The following AMZ1 variants were observed in gnomAD, a reference collection of about 807,000 sequenced individuals.
AMZ1 encodes the protein archaelysin family metallopeptidase 1, also known as archaemetzincin-1.
In AMZ1, 39 loss-of-function variants were observed where a neutral mutation model predicts 29.9. The observed-to-expected ratio is 1.30, with a 90% CI of 1.01 to 1.70. The LOEUF is 1.70. AMZ1 is among the 40% of genes most tolerant of loss of function. The pLI is 0.00. For missense variants in AMZ1, 1,041 were observed against 680.6 expected (o/e 1.53, Z -5.89); for synonymous variants, 458 against 304.0 (o/e 1.51, Z -5.27).
At chr7:2,721,249 C>T (rs1321770876), downstream of AMZ1, among the ~76,000 whole-genome samples, 2 of 152,216 alleles carry the variant, frequency 1.3e-5, no homozygotes, top group South Asian at 2.1e-4. Context: ...AAGGCCTGAG[C>T]CGGGCCCTGT....
At position 2,717,408 on chromosome 7, in the gene AMZ1, C is replaced by CG. The variant is rs1357218491; in HGVS notation, c.*4535dup. On this transcript the variant is annotated 3_prime_UTR_variant, in exon 7 of 7. Coordinates refer to ENST00000683327, the MANE Select transcript of AMZ1 (RefSeq NM_001384743.1). ...AGCTCCAGTAAGAGTGAGAGACTCA[C>CG]GGGGGCCTGGCTGCCGTCCTGGGAG... Among the ~76,000 whole-genome samples, 4 of 152,198 alleles carry CG rather than the reference C, an allele frequency of 2.6e-5. No homozygotes were observed. Among genetic ancestry groups the CG allele is most frequent in the Non-Finnish European group, 4.4e-5 (3 of 68,044 alleles).
In AMZ1 at chr7:2,717,291, A is replaced by C. The variant is rs1289788710; in HGVS notation, c.*4413A>C. Among the ~76,000 whole-genome samples the C allele has an allele frequency of 6.6e-6, 1 of 152,206 alleles. No individual in the cohort carries two copies. Among genetic ancestry groups the C allele is most frequent in the East Asian group, 1.9e-4 (1 of 5,200 alleles). On this transcript the variant is annotated 3_prime_UTR_variant, in exon 7 of 7. Coordinates refer to ENST00000683327, the MANE Select transcript of AMZ1 (RefSeq NM_001384743.1). ...TATCCCCGTGAAGACGGAGAGAATC[A>C]GGGCTTCGCGACGGGGCTCATAGAC...
Position 2,712,453 on chromosome 7 carries a change from T to G in AMZ1, c.1072T>G (p.Ser358Ala). 6.8e-6 allele frequency: 11 copies of G among 1,611,394 alleles called. No individual in the cohort carries two copies. Among genetic ancestry groups the G allele is most frequent in the Non-Finnish European group, 9.3e-6 (11 of 1,179,654 alleles). The change falls in exon 7 of 7, where the codon TCG (serine) becomes GCG (alanine). Residue 358 changes from serine to alanine, a missense_variant. Coordinates refer to ENST00000683327, the MANE Select transcript of AMZ1 (RefSeq NM_001384743.1). ...CTCGGGCATGTGCTGTGAGAGTGAC[T>G]CGGAGCCCGGCACCAGTGTGTCGGA... ...ADSGMCCESD[S>A]EPGTSVSEPL...
At chr7:2,709,512 G>GC in intron 5 of AMZ1, 128 bp from the exon 6 acceptor site, 1 of 1,391,414 alleles carries the variant, frequency 7.2e-7, no homozygotes, top group South Asian at 1.4e-5. Context: ...GGGGGAGGGC[G>GC]CCTGGACCAC....
chr7:2,756,074 G>C (rs1331287457), intron 4 of AMZ1, among the ~76,000 whole-genome samples: 1 of 152,182 alleles, frequency 6.6e-6, no homozygotes. Flanking sequence ...GAAAGTGACA[G>C]AGTTTATCAT....
chr7:2,703,898 T>C (rs918701090), intron 3 of AMZ1, among the ~76,000 whole-genome samples: 2 of 152,236 alleles, frequency 1.3e-5, no homozygotes, highest in Non-Finnish European at 2.9e-5. Context: ...CAAGGTACTT[T>C]TTTTTTCTGA....
chr7:2,748,444 A>G (rs1029361390), intron 4 of AMZ1, among the ~76,000 whole-genome samples: 4 of 152,272 alleles, frequency 2.6e-5, no homozygotes, highest in Admixed American at 1.3e-4. Flanking sequence ...TGCTGGGAAA[A>G]CTGGCTAGCC....
intron 3 of AMZ1, among the ~76,000 whole-genome samples, chr7:2,704,336 G>A (rs1161194907): frequency 6.6e-6 from 1 of 152,078 alleles, no homozygotes; most frequent in Non-Finnish European, 1.5e-5. Flanking sequence ...GACCCTGTCT[G>A]TGCAAAAAAT....
In AMZ1 at chr7:2,708,964, A is replaced by G. The variant is rs868171854; in HGVS notation, c.602-111A>G. The G allele has an allele frequency of 4.1e-5, 55 of 1,345,960 alleles. No homozygotes were observed. In the Middle Eastern group the frequency reaches 1.1e-3, roughly 28 times the overall value. The allele number at this position is 1,345,960 out of a possible 1,614,324, so 83.4% of individuals were successfully genotyped here. A position where few individuals can be genotyped will look rare whatever the true frequency, so the allele number is the denominator to read the frequency against. On this transcript the variant is annotated intron_variant, in intron 4 of 6. Coordinates refer to ENST00000683327, the MANE Select transcript of AMZ1 (RefSeq NM_001384743.1). The stretch of plus-strand genomic sequence containing the variant: ...CAGGACAGGGCCTCCCAGGACTGGT[A>G]TGTCTTTGGGCCATGGCCAGCTTGC...
chr7:2,711,425 C>A (rs1486030368), intron 6 of AMZ1, among the ~76,000 whole-genome samples: 1 of 152,222 alleles, frequency 6.6e-6, no homozygotes, highest in Non-Finnish European at 1.5e-5. Context: ...TGTGAGCTCC[C>A]AATGTGATGT....
upstream of AMZ1, among the ~76,000 whole-genome samples, chr7:2,761,036 C>G (rs895665452): frequency 5.3e-5 from 8 of 152,164 alleles, no homozygotes; most frequent in African/African-American, 1.2e-4. Flanking sequence ...GTTTTAGACC[C>G]AAAACAATGA....
chr7:2,704,311 T>A (rs1052654597), intron 3 of AMZ1, among the ~76,000 whole-genome samples: 2 of 152,196 alleles, frequency 1.3e-5, no homozygotes, highest in South Asian at 2.1e-4. Flanking sequence ...AAGACCAGCC[T>A]GGGCAACTAG....
upstream of AMZ1, chr7:2,763,191 AACACACACACAC>A (rs56384682): frequency 0.38 from 85,092 of 222,602 alleles, 14,075 homozygotes; most frequent in Non-Finnish European, 0.44. Context: ...AAGACACCCC[AACACACACACAC>A]ACACACACAC....
intron 4 of AMZ1, among the ~76,000 whole-genome samples, chr7:2,739,520 GGTTT>G (rs1790391467): frequency 6.6e-6 from 1 of 152,130 alleles, no homozygotes; most frequent in Non-Finnish European, 1.5e-5. Flanking sequence ...ATGGATATGT[GGTTT>G]GTTTTTCCAT....
chr7:2,757,524 A>G (rs1489047836), intron 4 of AMZ1, among the ~76,000 whole-genome samples: 1 of 152,174 alleles, frequency 6.6e-6, no homozygotes, highest in Non-Finnish European at 1.5e-5. Flanking sequence ...GTGAGCTTGA[A>G]AAAGGATGAC....
chr7:2,762,814 C>G, upstream of AMZ1: 4 of 1,526,566 alleles, frequency 2.6e-6, no homozygotes, highest in South Asian at 5.0e-5. Flanking sequence ...GGGCGGCCTC[C>G]CATCCGCCAC....
intron 4 of AMZ1, among the ~76,000 whole-genome samples, chr7:2,746,945 T>A (rs1322905625): frequency 6.6e-6 from 1 of 152,092 alleles, no homozygotes; most frequent in Non-Finnish European, 1.5e-5. Context: ...CCTCGACACA[T>A]ACATCCTCCC....
chr7:2,732,105 T>A (rs1170135089), intron 4 of AMZ1, among the ~76,000 whole-genome samples: 1 of 152,216 alleles, frequency 6.6e-6, no homozygotes, highest in Admixed American at 6.5e-5. Context: ...CTAAAGCTTA[T>A]AGCTTCCAAA....
intron 3 of AMZ1, among the ~76,000 whole-genome samples, chr7:2,703,811 C>G (rs1367475607): frequency 6.6e-6 from 1 of 152,236 alleles, no homozygotes; most frequent in Non-Finnish European, 1.5e-5. Context: ...TCTATAATAT[C>G]TTTTATGATC....
Sources: allele counts gnomAD v4.1 joint callset (sites outside exome capture counted in the v4.1 genomes callset), GRCh38; gene constraint gnomAD v4.1.1; transcripts MANE v1.5; gene names NCBI Gene and HGNC (gene_info 2026-07-23, HGNC 2026-07-21).